The following UBAP2 variants were observed in gnomAD, a reference collection of about 807,000 sequenced individuals.
The protein encoded by UBAP2 is ubiquitin associated protein 2.
In UBAP2, 75 loss-of-function variants were observed where a neutral mutation model predicts 139.6. The ratio of observed to expected loss-of-function variants is 0.54; its 90% confidence interval spans 0.45 to 0.65. UBAP2 has a LOEUF of 0.65. Ranked by LOEUF, UBAP2 falls within the 30% of genes least tolerant of loss-of-function variation. The pLI is 0.00. For missense variants in UBAP2, 1,368 were observed against 1,369.6 expected, an observed-to-expected ratio of 1.00 and a Z score of 0.02; for synonymous variants, 526 against 526.2, an observed-to-expected ratio of 1.00 and a Z score of 0.01.
At chr9:34,006,122 A>C (rs1177170210) in intron 2 of UBAP2, among the ~76,000 whole-genome samples, 1 of 152,012 alleles carries the variant, frequency 6.6e-6, no homozygotes, top group Admixed American at 6.6e-5. Flanking sequence ...AATCCCAGCT[A>C]CTTGGAAAGC....
intron 1 of UBAP2, among the ~76,000 whole-genome samples, chr9:34,023,920 T>TG (rs1376092909): frequency 1.3e-5 from 2 of 152,112 alleles, no homozygotes; most frequent in Non-Finnish European, 2.9e-5. Flanking sequence ...GGCACGCACC[T>TG]GTAGTCCCAG....
rs116270419 is a variant in UBAP2, at chr9:33,968,652, G to A, written c.679+2999C>T. The A allele has an allele frequency of 5.2e-3, 1,388 of 266,924 alleles. 15 individuals are homozygous for A. Among genetic ancestry groups the A allele is most frequent in the African/African-American group, 0.027 (1,237 of 45,306 alleles). The allele number at this position is 266,924 out of a possible 1,614,324, so 16.5% of individuals were successfully genotyped here. Reference sequence around the variant, plus strand: ...CATACGGATTTTTCTCCTTAATTTTGTTAAATGGATAATACTAATTTCTAT... The same window carrying A: ...CATACGGATTTTTCTCCTTAATTTTATTAAATGGATAATACTAATTTCTAT... On this transcript the variant is annotated intron_variant, in intron 8 of 28. Transcript: ENST00000379238.
chr9:34,040,626 C>T (rs1383201631), intron 1 of UBAP2, among the ~76,000 whole-genome samples: 1 of 152,076 alleles, frequency 6.6e-6, no homozygotes, highest in Non-Finnish European at 1.5e-5. Context: ...AAGCAAAATC[C>T]AGCTATGTGG....
chr9:33,926,884 G>T, intron 21 of UBAP2, 105 bp downstream of exon 21: 2 of 1,168,228 alleles, frequency 1.7e-6, no homozygotes, highest in Non-Finnish European at 1.3e-6. Flanking sequence ...GGGATGGAAG[G>T]GCAGCTCAAG....
Position 33,971,772 on chromosome 9 carries a change from G to A in UBAP2, c.576-18C>T. On this transcript the variant is annotated intron_variant, in intron 7 of 28. Coordinates refer to ENST00000379238, the MANE Select transcript of UBAP2 (RefSeq NM_001370062.2). ...TAAATGTCCTGGGGTTTGAAATAAAGAAATAATAAAGGCAAAAGAAGCAAA... is the reference window on the plus strand; with the variant it reads ...TAAATGTCCTGGGGTTTGAAATAAAAAAATAATAAAGGCAAAAGAAGCAAA... 1 of 1,489,726 alleles carries A rather than the reference G, an allele frequency of 6.7e-7. No individual in the cohort carries two copies. Among genetic ancestry groups the A allele is most frequent in the Non-Finnish European group, 9.4e-7 (1 of 1,067,238 alleles). 92.3% of individuals were successfully genotyped at this position (1,489,726 alleles called of 1,614,324 possible).
At chr9:33,968,439 G>T (rs1487267676) in intron 8 of UBAP2, 2 of 559,590 alleles carry the variant, frequency 3.6e-6, no homozygotes, top group Non-Finnish European at 7.2e-6. Context: ...ATGGCCGAGG[G>T]CATGTGCAGC....
chr9:34,027,596 G>A (rs1358047767), intron 1 of UBAP2, among the ~76,000 whole-genome samples: 2 of 151,654 alleles, frequency 1.3e-5, no homozygotes, highest in Non-Finnish European at 1.5e-5. Context: ...GGTGGCTCAC[G>A]CCTGTAATCC....
At chr9:33,961,837 A>G (rs1827069364) in intron 9 of UBAP2, among the ~76,000 whole-genome samples, 1 of 152,232 alleles carries the variant, frequency 6.6e-6, no homozygotes, top group Non-Finnish European at 1.5e-5. Flanking sequence ...GTAAACAGCC[A>G]AATAACTGAC....
chr9:34,037,770 A>G (rs2131355558), intron 1 of UBAP2, among the ~76,000 whole-genome samples: 1 of 152,252 alleles, frequency 6.6e-6, no homozygotes, highest in Middle Eastern at 3.4e-3. Context: ...ACAATATGTA[A>G]ATACACAAAC....
At chr9:34,045,563 G>A (rs1161609243) in intron 1 of UBAP2, among the ~76,000 whole-genome samples, 19 of 151,764 alleles carry the variant, frequency 1.3e-4, no homozygotes, top group East Asian at 3.9e-4. Flanking sequence ...TAGTAGAGAC[G>A]GGGTTTCACC....
At position 33,971,752 on chromosome 9, in the gene UBAP2, G is replaced by C; in HGVS notation, c.578C>G (p.Thr193Arg). ...ATCTGAATAGTCTGCAGGATTAAAT[G>C]TCCTGGGGTTTGAAATAAAGAAATA... ...AGRFSTQGMG[T>R]FNPADYSDST... is the part of the protein sequence containing the mutation. Residue 193 changes from threonine to arginine, a missense_variant and splice_region_variant, in exon 8 of 29, where the codon ACA becomes AGA. By Grantham distance (71) the Thr-to-Arg change is moderately conservative (BLOSUM62 -1). Transcript: ENST00000379238. 1 of 1,574,464 alleles carries C rather than the reference G, an allele frequency of 6.4e-7. No individual in the cohort carries two copies. The highest frequency in any genetic ancestry group is 2.2e-5 in the East Asian group (1 of 44,586).
chr9:33,973,761 C>T (rs1029456963), intron 6 of UBAP2, among the ~76,000 whole-genome samples: 1 of 152,078 alleles, frequency 6.6e-6, no homozygotes, highest in Admixed American at 6.6e-5. Flanking sequence ...AGAGCAAAGG[C>T]CTAAATTTAA....
intron 1 of UBAP2, among the ~76,000 whole-genome samples, chr9:34,038,712 G>A (rs1384597750): frequency 2.6e-5 from 4 of 152,090 alleles, no homozygotes; most frequent in Non-Finnish European, 4.4e-5. Flanking sequence ...CACCCCGTCT[G>A]GGAAGTGAGG....
At chr9:34,003,749 T>C (rs1489447465) in intron 2 of UBAP2, among the ~76,000 whole-genome samples, 1 of 148,366 alleles carries the variant, frequency 6.7e-6, no homozygotes, top group Non-Finnish European at 1.5e-5. Flanking sequence ...AGACAGAGTT[T>C]CACTCTTGTT....
At chr9:33,959,350 G>A (rs1452476575) in intron 10 of UBAP2, among the ~76,000 whole-genome samples, 1 of 152,066 alleles carries the variant, frequency 6.6e-6, no homozygotes, top group East Asian at 1.9e-4. Context: ...TTCAAAGCAG[G>A]TCCTGTTAGC....
At chr9:33,981,845 A>G (rs1820793163) in intron 6 of UBAP2, among the ~76,000 whole-genome samples, 1 of 115,444 alleles carries the variant, frequency 8.7e-6, no homozygotes, top group African/African-American at 3.7e-5. Flanking sequence ...GAAGGGGGGA[A>G]AGGGAGGGAG....
At chr9:34,035,510 A>ATATATATATATATATATATATATATAT (rs1554692760) in intron 1 of UBAP2, among the ~76,000 whole-genome samples, 1 of 3,818 alleles carries the variant, frequency 2.6e-4, no homozygotes, top group African/African-American at 4.4e-4. Flanking sequence ...TAAAAAAAAA[A>ATATATATATATATATATATATATATAT]AAAAATATAT....
intron 6 of UBAP2, among the ~76,000 whole-genome samples, chr9:33,980,658 G>C (rs1820582768): frequency 6.6e-6 from 1 of 152,018 alleles, no homozygotes; most frequent in Admixed American, 6.6e-5. Flanking sequence ...TCAAAACAAA[G>C]TTAAATGAAA....
intron 1 of UBAP2, 50 bp from the exon 2 acceptor site, chr9:34,017,239 C>T: frequency 1.2e-6 from 1 of 802,188 alleles, no homozygotes; most frequent in Non-Finnish European, 1.9e-6. Flanking sequence ...AAAAGATAAG[C>T]ATGTACTTCA....
Sources: allele counts gnomAD v4.1 joint callset (sites outside exome capture counted in the v4.1 genomes callset), GRCh38; gene constraint gnomAD v4.1.1; transcripts MANE v1.5; gene names NCBI Gene and HGNC (gene_info 2026-07-23, HGNC 2026-07-21).